The following INSRR variants were observed in gnomAD, a reference collection of about 807,000 sequenced individuals.
INSRR encodes insulin receptor-related protein.
A neutral mutation model predicts 130.0 loss-of-function variants in INSRR; 114 were observed. The ratio of observed to expected loss-of-function variants is 0.88; its 90% CI spans 0.75 to 1.02. The LOEUF is 1.02. Ranked by LOEUF, INSRR falls within the 50% of genes least tolerant of loss-of-function variation. INSRR has a pLI of 0.00. For synonymous variants in INSRR, 674 were observed against 705.2 expected (o/e 0.96, Z 0.70); for missense variants, 1,657 against 1,735.2 (o/e 0.95, Z 0.80).
In INSRR at chr1:156,856,197, A is replaced by G. The variant is rs141127046; in HGVS notation, c.86-1894T>C. Among the ~76,000 whole-genome samples, 19 of 152,178 alleles carry G rather than the reference A, an allele frequency of 1.2e-4. No individual in the cohort carries two copies. In the East Asian group the frequency reaches 1.5e-3, roughly 12 times the overall value. On this transcript the variant is annotated intron_variant, in intron 1 of 21. Coordinates refer to ENST00000368195, the MANE Select transcript of INSRR (RefSeq NM_014215.3). ...GAAATAGATATATTTTGTTTATTGT[A>G]AGCTCCATAAGGGCAGGGATATTTG...
chr1:156,857,157 CTGTGTATGTG>C (rs1426649877), intron 1 of INSRR, among the ~76,000 whole-genome samples: 196 of 121,382 alleles, frequency 1.6e-3, no homozygotes, highest in African/African-American at 3.1e-3. Flanking sequence ...TGCCCAGCAG[CTGTGTATGTG>C]TGTGTGTGTG....
chr1:156,854,164 G>T lies in INSRR; in HGVS notation c.225C>A (p.Arg75=). 6.2e-7 allele frequency: 1 copy of T among 1,614,142 alleles called. No individual in the cohort carries two copies. Among genetic ancestry groups the T allele is most frequent in the African/African-American group, 1.3e-5 (1 of 75,068 alleles). Residue 75 remains arginine, a synonymous_variant, in exon 2 of 22, where the codon CGC becomes CGA. Transcript: ENST00000368195. This position sits in a 1 kb window ranked among gnomAD's most constrained non-coding sequence, Gnocchi z 4.2. ...GCAGGTAGTCGGTGACCTGGGTGAG[G>T]CGAGGGAAGCTGAGGCCGCGGAAGT... ...GEDFRGLSFP[R]LTQVTDYLLL...
In INSRR at chr1:156,851,964, G is replaced by A. The variant is rs780742282; in HGVS notation, c.865C>T (p.Arg289Cys). The A allele has an allele frequency of 1.7e-5, 27 of 1,607,658 alleles. No individual in the cohort carries two copies. The highest frequency in any genetic ancestry group is 1.1e-4 in the African/African-American group (8 of 74,818). The change falls in exon 3 of 22, where the codon CGT becomes TGT. Residue 289 changes from arginine (R) to cysteine (C), a missense_variant. Physicochemically the swap from Arg to Cys is radical, Grantham distance 180. Coordinates refer to ENST00000368195, the MANE Select transcript of INSRR (RefSeq NM_014215.3). Reference sequence around the variant, plus strand: ...TGGTGTATGCCGAAGGTGGAGGCACGGCCGGGCACAGAGTGCAGGCTGGCA... The same window carrying A: ...TGGTGTATGCCGAAGGTGGAGGCACAGCCGGGCACAGAGTGCAGGCTGGCA... ...RCASLHSVPGRASTFGIHQGS... is the reference protein window; with the variant it reads ...RCASLHSVPGCASTFGIHQGS...
chr1:156,851,996 T>TCAGCTGTGACACAGCGCC lies in INSRR; in HGVS notation c.815_832dup (p.Ala277_Glu278insGlyArgCysValThrAla), dbSNP rs1489360682. On this transcript the variant is annotated inframe_insertion, in exon 3 of 22. Coordinates refer to ENST00000368195, the MANE Select transcript of INSRR (RefSeq NM_014215.3). ...CACAGAGTGCAGGCTGGCACAGCGC[T>TCAGCTGTGACACAGCGCC]CAGCTGTGACACAGCGCCAGGACTC... The TCAGCTGTGACACAGCGCC allele has an allele frequency of 1.2e-5, 20 of 1,611,986 alleles. No individual in the cohort carries two copies. The highest frequency in any genetic ancestry group is 1.6e-5 in the Non-Finnish European group (19 of 1,178,828).
At chr1:156,844,869 G>A (rs913954493) in intron 12 of INSRR, 26 bp from the exon 13 acceptor site, 12 of 1,612,962 alleles carry the variant, frequency 7.4e-6, no homozygotes, top group Admixed American at 1.7e-5. Flanking sequence ...TCCAGCAGCC[G>A]GGCCAAAAGT....
intron 7 of INSRR, among the ~76,000 whole-genome samples, chr1:156,848,116 C>T (rs868695067): frequency 6.6e-6 from 1 of 152,136 alleles, no homozygotes; most frequent in African/African-American, 2.4e-5. Flanking sequence ...CAGCTGCCCA[C>T]GCTGGAGACC....
At position 156,843,242 on chromosome 1, in the gene INSRR, A is replaced by G. The variant is rs1654865808; in HGVS notation, c.2897-9T>C. On this transcript the variant is annotated splice_polypyrimidine_tract_variant and intron_variant, in intron 16 of 21. Transcript: ENST00000368195. ...TTCATCAGGGACATACACTGCAAGG[A>G]GGTGGAGGGTCACAAAGCGAGGATG... The G allele has an allele frequency of 6.2e-7, 1 of 1,613,238 alleles. No homozygotes were observed. The highest frequency in any genetic ancestry group is 8.5e-7 in the Non-Finnish European group (1 of 1,179,212).
At position 156,841,154 on chromosome 1, in the gene INSRR, G is replaced by T. The variant is rs368316284; in HGVS notation, c.3663-50C>A. The T allele has an allele frequency of 5.1e-6, 7 of 1,381,792 alleles. No homozygotes were observed. In the African/African-American group the frequency reaches 7.2e-5, roughly 14 times the overall value. The allele number at this position is 1,381,792 out of a possible 1,614,324, so 85.6% of individuals were successfully genotyped here. On this transcript the variant is annotated intron_variant, in intron 21 of 21. Coordinates refer to ENST00000368195, the MANE Select transcript of INSRR (RefSeq NM_014215.3). ...AGAGGCATCCGGGAGCCCCTGCCAC[G>T]CTCTCAGCCTCCTGCACTGAGGGTC...
In INSRR at chr1:156,844,850, G is replaced by T; in HGVS notation, c.2438-7C>A. ...GGAATACCATCAGCCTCTCCTGCGG[G>T]AAGGGGCATCCAGCAGCCGGGCCAA... On this transcript the variant is annotated splice_polypyrimidine_tract_variant and splice_region_variant and intron_variant, in intron 12 of 21. Coordinates refer to ENST00000368195, the MANE Select transcript of INSRR (RefSeq NM_014215.3). The T allele has an allele frequency of 6.2e-7, 1 of 1,613,882 alleles. No homozygotes were observed. Among genetic ancestry groups the T allele is most frequent in the Non-Finnish European group, 8.5e-7 (1 of 1,179,916 alleles).
chr1:156,851,004 A>G (rs1202304136), intron 5 of INSRR, among the ~76,000 whole-genome samples: 1 of 152,246 alleles, frequency 6.6e-6, no homozygotes, highest in Non-Finnish European at 1.5e-5. Flanking sequence ...ATAGAGTTAT[A>G]TGTGACTGTA....
Position 156,844,600 on chromosome 1 carries a change from GGGACACACACAGCACTGT to G in INSRR, c.2581_2598del (p.Thr861_Ser866del), listed in dbSNP as rs1654922105. The G allele has an allele frequency of 3.1e-6, 5 of 1,614,186 alleles. No individual in the cohort carries two copies. Among genetic ancestry groups the G allele is most frequent in the Middle Eastern group, 1.6e-4 (1 of 6,062 alleles). ...CCCCCAAACTTCGCATATCGAAGACGGGACACACACAGCACTGTGGCCTCCTGAGAGTAACGCAGAACA... is the reference window on the plus strand; with the variant it reads ...CCCCCAAACTTCGCATATCGAAGACGGGCCTCCTGAGAGTAACGCAGAACA... On this transcript the variant is annotated inframe_deletion, in exon 14 of 22. Coordinates refer to ENST00000368195, the MANE Select transcript of INSRR (RefSeq NM_014215.3).
intron 1 of INSRR, among the ~76,000 whole-genome samples, chr1:156,858,324 A>T (rs1259122017): frequency 6.6e-6 from 1 of 152,142 alleles, no homozygotes; most frequent in African/African-American, 2.4e-5. Flanking sequence ...CACGTTTTGA[A>T]GCTCTTCTCA....
chr1:156,857,163 A>ATG (rs57324546), intron 1 of INSRR, among the ~76,000 whole-genome samples: 19,875 of 130,226 alleles, frequency 0.15, 1,571 homozygotes, highest in Middle Eastern at 0.19. Context: ...GCAGCTGTGT[A>ATG]TGTGTGTGTG....
intron 17 of INSRR, 81 bp downstream of exon 17, chr1:156,842,923 C>G: frequency 9.0e-7 from 1 of 1,110,188 alleles, no homozygotes; most frequent in Non-Finnish European, 1.3e-6. Flanking sequence ...GGTGCCCTAA[C>G]CTCATCTCTG....
rs758359742 is a variant in INSRR at position 156,851,359 on chromosome 1, G to T, written c.1160C>A (p.Ser387Tyr). Residue 387 changes from serine (S) to tyrosine (Y), a missense_variant, in exon 5 of 22, where the codon TCC becomes TAC. Physicochemically the swap from Ser to Tyr is moderately radical, Grantham distance 144. Transcript: ENST00000368195. The stretch of plus-strand genomic sequence containing the variant: ...AAAGCCCAGGGACACGAGGGCAAAG[G>T]AGTGCTTGATTTTGAGGAAGCCAGT... ...TITGFLKIKH[S>Y]FALVSLGFFK... The T allele has an allele frequency of 3.1e-6, 5 of 1,614,008 alleles. No homozygotes were observed. In the East Asian group the frequency reaches 1.1e-4, roughly 36 times the overall value.
chr1:156,858,879 C>A lies in INSRR; in HGVS notation c.-258G>T. 1.9e-6 allele frequency: 1 copy of A among 516,736 alleles called. No homozygotes were observed. The highest frequency in any genetic ancestry group is 3.5e-6 in the Non-Finnish European group (1 of 286,070). 32.0% of individuals were successfully genotyped at this position (516,736 alleles called of 1,614,324 possible). On this transcript the variant is annotated 5_prime_UTR_variant, in exon 1 of 22. Coordinates refer to ENST00000368195, the MANE Select transcript of INSRR (RefSeq NM_014215.3). ...AGATTGAGAGATGGGGACAGAGATGCAGACAGTGACAGGGAGAGTCTCGGG... is the reference window on the plus strand; with the variant it reads ...AGATTGAGAGATGGGGACAGAGATGAAGACAGTGACAGGGAGAGTCTCGGG...
chr1:156,853,855 G>A lies in INSRR; in HGVS notation c.534C>T (p.Asp178=), dbSNP rs201403715. The A allele has an allele frequency of 2.5e-4, 397 of 1,614,024 alleles. 1 individual carries two copies. The highest frequency in any genetic ancestry group is 1.8e-3 in the Middle Eastern group (11 of 6,062). ...VGNKLGEECA[D]VCPGVLGAAG... ...CAGCACCCAGCACACCAGGGCACACGTCAGCACACTCCTCGCCCAGCTTGT... is the reference window on the plus strand; with the variant it reads ...CAGCACCCAGCACACCAGGGCACACATCAGCACACTCCTCGCCCAGCTTGT... The change falls in exon 2 of 22, where the codon GAC becomes GAT. Residue 178 remains aspartate (D), a synonymous_variant. Transcript: ENST00000368195.
In INSRR at chr1:156,849,332, A is replaced by C. The variant is rs761962648; in HGVS notation, c.1358T>G (p.Ile453Ser). The C allele has an allele frequency of 5.0e-6, 8 of 1,613,510 alleles. No individual in the cohort carries two copies. The highest frequency in any genetic ancestry group is 5.9e-6 in the Non-Finnish European group (7 of 1,179,948). ...GCCTGTCACCTCCTCCAGTCGGTAG[A>C]TGTGTTCCAAGCAGAGGCGCGGGTT... is the stretch of plus-strand genomic sequence containing the variant. ...AFNPRLCLEH[I>S]YRLEEVTGTR... is the part of the protein sequence containing the mutation. Residue 453 changes from isoleucine (I) to serine (S), a missense_variant, in exon 6 of 22, where the codon ATC becomes AGC. By Grantham distance (142) the Ile-to-Ser change is moderately radical. Transcript: ENST00000368195.
At chr1:156,848,774 T>A in intron 7 of INSRR, 147 bp downstream of exon 7, 1 of 905,960 alleles carries the variant, frequency 1.1e-6, no homozygotes. Flanking sequence ...GAGCCAGACC[T>A]GGGCCCTACC....
Sources: gnomAD v4.1 joint callset for allele counts (sites outside exome capture counted in the v4.1 genomes callset) on GRCh38, gnomAD v4.1.1 for gene constraint, Gnocchi (gnomAD v3.1) non-coding constraint, MANE v1.5 for transcripts, NCBI Gene and HGNC (gene_info 2026-07-23, HGNC 2026-07-21) for gene names.